Variants in C17orf75 observed in about 807,000 individuals in gnomAD.
C17orf75 encodes chromosome 17 open reading frame 75.
A neutral mutation model predicts 49.6 loss-of-function variants in C17orf75; 32 were observed. The ratio of observed to expected loss-of-function variants is 0.65; its 90% CI spans 0.49 to 0.87. C17orf75 has a LOEUF of 0.87. Among genes scored for constraint, C17orf75 ranks in the 40% least tolerant of loss-of-function variants. The probability of loss-of-function intolerance (pLI) is 0.00; values close to 1 mark genes in which losing one functional copy is unlikely to be tolerated. For missense variants in C17orf75, 428 were observed against 473.9 expected (o/e 0.90, Z 0.90); for synonymous variants, 158 against 159.5 (o/e 0.99, Z 0.07).
intron 1 of C17orf75, 42 bp downstream of exon 1, chr17:32,341,958 G>A: frequency 7.5e-7 from 1 of 1,331,398 alleles, no homozygotes; most frequent in Non-Finnish European, 9.6e-7. Context: ...GGGCGGGGCC[G>A]CAGGGGCGGG....
chr17:32,339,720 G>C (rs1174852879), intron 3 of C17orf75, 93 bp downstream of exon 3: 1 of 1,513,860 alleles, frequency 6.6e-7, no homozygotes. Flanking sequence ...AAATTCTGCA[G>C]GTCTAGTAGG....
chr17:32,337,417 C>A (rs934596171), intron 5 of C17orf75, among the ~76,000 whole-genome samples: 1 of 151,804 alleles, frequency 6.6e-6, no homozygotes, highest in East Asian at 1.9e-4. Context: ...TGAGCCTGAT[C>A]GCGCCACTGC....
intron 8 of C17orf75, 41 bp downstream of exon 8, chr17:32,334,428 G>A (rs758683474): frequency 2.4e-5 from 38 of 1,588,052 alleles, no homozygotes; most frequent in African/African-American, 4.0e-5. Flanking sequence ...ATGGGGACTC[G>A]CAAGAGATGT....
Position 32,331,991 on chromosome 17 carries a change from T to A in C17orf75, c.976-13A>T. The A allele has an allele frequency of 6.3e-7, 1 of 1,589,468 alleles. No individual in the cohort carries two copies. The highest frequency in any genetic ancestry group is 8.6e-7 in the Non-Finnish European group (1 of 1,162,878). On this transcript the variant is annotated splice_polypyrimidine_tract_variant and intron_variant, in intron 9 of 9. Transcript: ENST00000577809. Reference sequence around the variant, plus strand: ...TGTCTTGTATGGCCTAGAAAATGATTACCCAGTTAAAAATGTGTTAAGTGA... The same window carrying A: ...TGTCTTGTATGGCCTAGAAAATGATAACCCAGTTAAAAATGTGTTAAGTGA...
rs1331748073 is a variant in C17orf75 at position 32,339,825 on chromosome 17, G to T, written c.335C>A (p.Ser112Tyr). ...ATTTTGCACTTACTTTAGCTCCACA[G>T]ATGCAACATTACCCAGCCCTTCAAA... ...AVFEGLGNVA[S>Y]VELKIPGYRV... Residue 112 changes from serine to tyrosine, a missense_variant, in exon 3 of 10, where the codon TCT becomes TAT. Ser to Tyr is a moderately radical substitution (Grantham distance 144). Coordinates refer to ENST00000577809, the MANE Select transcript of C17orf75 (RefSeq NM_022344.4). 1 of 1,613,996 alleles carries T rather than the reference G, an allele frequency of 6.2e-7. No individual in the cohort carries two copies. Among genetic ancestry groups the T allele is most frequent in the Non-Finnish European group, 8.5e-7 (1 of 1,179,888 alleles).
upstream of C17orf75, among the ~76,000 whole-genome samples, chr17:32,345,754 G>A (rs1333350585): frequency 1.3e-5 from 2 of 151,952 alleles, no homozygotes; most frequent in Non-Finnish European, 2.9e-5. Flanking sequence ...CCCCATGTTC[G>A]TCAGGCTGGT....
chr17:32,341,376 A>G, intron 1 of C17orf75, 92 bp from the exon 2 acceptor site: 1 of 1,286,518 alleles, frequency 7.8e-7, no homozygotes, highest in Non-Finnish European at 1.1e-6. Context: ...GCAAGGAGTC[A>G]ACTAAAAATG....
chr17:32,338,160 T>G, intron 4 of C17orf75, 48 bp downstream of exon 4: 1 of 1,593,606 alleles, frequency 6.3e-7, no homozygotes, highest in Non-Finnish European at 8.5e-7. Context: ...TCCACCTGCC[T>G]TCCCATGTTT....
intron 2 of C17orf75, among the ~76,000 whole-genome samples, chr17:32,340,367 G>A (rs1251905562): frequency 6.6e-6 from 1 of 152,134 alleles, no homozygotes; most frequent in Non-Finnish European, 1.5e-5. Context: ...GGGGCCGGGA[G>A]CAGTGGCTCA....
At chr17:32,336,735 G>A (rs577714230) in intron 5 of C17orf75, among the ~76,000 whole-genome samples, 6 of 152,154 alleles carry the variant, frequency 3.9e-5, no homozygotes, top group African/African-American at 7.2e-5. Flanking sequence ...CCTCTTCCTC[G>A]CCAGGCATGT....
In C17orf75 at chr17:32,338,236, A is replaced by T; in HGVS notation, c.463T>A (p.Leu155Ile). The T allele has an allele frequency of 6.2e-7, 1 of 1,612,528 alleles. No homozygotes were observed. Among genetic ancestry groups the T allele is most frequent in the Non-Finnish European group, 8.5e-7 (1 of 1,179,610 alleles). ...TCAAGTCCTTTTTCAGACCCTCCTAAAAAACAGACCACATATTCTGAAGGG... is the reference window on the plus strand; with the variant it reads ...TCAAGTCCTTTTTCAGACCCTCCTATAAAACAGACCACATATTCTGAAGGG... ...RNPSEYVVCFLGGSEKGLELF... is the reference protein window; with the variant it reads ...RNPSEYVVCFIGGSEKGLELF... The change falls in exon 4 of 10, where the codon TTA becomes ATA. Residue 155 changes from leucine (L) to isoleucine (I), a missense_variant. Coordinates refer to ENST00000577809, the MANE Select transcript of C17orf75 (RefSeq NM_022344.4).
intron 3 of C17orf75, 81 bp from the exon 4 acceptor site, chr17:32,338,432 T>G: frequency 7.3e-7 from 1 of 1,365,634 alleles, no homozygotes; most frequent in Non-Finnish European, 9.9e-7. Flanking sequence ...TGAATTCTGG[T>G]CATCTTGATC....
chr17:32,338,568 A>T (rs558925885), intron 3 of C17orf75, among the ~76,000 whole-genome samples: 6 of 152,182 alleles, frequency 3.9e-5, no homozygotes, highest in Non-Finnish European at 8.8e-5. Context: ...ACTAACATAC[A>T]TGAAATTTCT....
Position 32,337,786 on chromosome 17 carries a change from T to C in C17orf75, c.549+111A>G, listed in dbSNP as rs150605408. The C allele has an allele frequency of 3.5e-4, 309 of 872,426 alleles. No individual in the cohort carries two copies. In the African/African-American group the frequency reaches 4.7e-3, roughly 13 times the overall value. 54.0% of individuals were successfully genotyped at this position (872,426 alleles called of 1,614,324 possible). A position where few individuals can be genotyped will look rare whatever the true frequency, so the allele number is the denominator to read the frequency against. ...TCATCATATTGACCAGGCTGGTCTC[T>C]GACCTTGTGATCTGCCCACCTCGGC... On this transcript the variant is annotated intron_variant, in intron 5 of 9. Transcript: ENST00000577809.
chr17:32,328,575 G>A lies in C17orf75; in HGVS notation c.*3188C>T, dbSNP rs979799075. 6.6e-6 allele frequency: 1 copy of A among 152,190 alleles called. No homozygotes were observed. Among genetic ancestry groups the A allele is most frequent in the Non-Finnish European group, 1.5e-5 (1 of 68,038 alleles). The allele number at this position is 152,190 out of a possible 1,614,324, so 9.4% of individuals were successfully genotyped here. A position where few individuals can be genotyped will look rare whatever the true frequency, so the allele number is the denominator to read the frequency against. Reference sequence around the variant, plus strand: ...AGTAATATACACAAATATATTCCATGTCTGAACAAATCCTTTTTAAAACTT... The same window carrying A: ...AGTAATATACACAAATATATTCCATATCTGAACAAATCCTTTTTAAAACTT... On this transcript the variant is annotated 3_prime_UTR_variant, in exon 10 of 10. Transcript: ENST00000577809.
chr17:32,334,220 T>C lies in C17orf75; in HGVS notation c.871+249A>G, dbSNP rs544946842. ...TTTTCAAGTAATGCCTTTATGGACA[T>C]TTTAAAATTCATCTCCTTGTGTACA... On this transcript the variant is annotated intron_variant, in intron 8 of 9. Coordinates refer to ENST00000577809, the MANE Select transcript of C17orf75 (RefSeq NM_022344.4). Among the ~76,000 whole-genome samples the C allele has an allele frequency of 7.9e-5, 12 of 152,336 alleles. No individual in the cohort carries two copies. In the South Asian group the frequency reaches 2.5e-3, roughly 32 times the overall value.
chr17:32,349,113 G>C (rs932880155), intron 1 of C17orf75, among the ~76,000 whole-genome samples: 8 of 151,692 alleles, frequency 5.3e-5, no homozygotes, highest in Non-Finnish European at 1.0e-4. Context: ...TGATCCGCCT[G>C]CCTCGGCCTT....
intron 1 of C17orf75, among the ~76,000 whole-genome samples, chr17:32,349,185 C>T (rs1270043015): frequency 6.6e-6 from 1 of 152,034 alleles, no homozygotes; most frequent in African/African-American, 2.4e-5. Flanking sequence ...TCCAGTCTTA[C>T]CACGATTAGT....
At chr17:32,349,992 A>G (rs1337895123) in exon 1 of C17orf75, 3 of 1,283,150 alleles carry the variant, frequency 2.3e-6, no homozygotes, top group East Asian at 3.5e-5. Context: ...CCGCAAGCAC[A>G]GCCAGCGAAA....
Sources: allele counts gnomAD v4.1 joint callset (sites outside exome capture counted in the v4.1 genomes callset), GRCh38; gene constraint gnomAD v4.1.1; transcripts MANE v1.5; gene names NCBI Gene and HGNC (gene_info 2026-07-23, HGNC 2026-07-21).